NAA25: variants seen among roughly 807,000 people sequenced by gnomAD.
NAA25 encodes the protein N-terminal acetyltransferase B complex subunit NAA25.
NAA25 carries 30 observed loss-of-function variants against 132.5 expected under a neutral mutation model. The ratio of observed to expected loss-of-function variants is 0.23; its 90% CI spans 0.17 to 0.31. The LOEUF is 0.31. Ranked by LOEUF, NAA25 falls within the 10% of genes least tolerant of loss-of-function variation. NAA25 has a pLI of 1.00. For synonymous variants in NAA25, 359 were observed against 401.9 expected (o/e 0.89, Z 1.28); for missense variants, 771 against 1,150.4 (o/e 0.67, Z 4.77).
intron 23 of NAA25, among the ~76,000 whole-genome samples, chr12:112,030,210 C>CAAAAAAAAAAAAAAAAAAAAAAAAAAA (rs67757055): frequency 1.9e-5 from 1 of 53,378 alleles, no homozygotes; most frequent in African/African-American, 8.5e-5. Context: ...AAAGCTGTCT[C>CAAAAAAAAAAAAAAAAAAAAAAAAAAA]AAAAAAAAAA....
At chr12:112,042,967 G>T (rs2078323392) in intron 19 of NAA25, 121 bp downstream of exon 19, 5 of 910,100 alleles carry the variant, frequency 5.5e-6, no homozygotes, top group Non-Finnish European at 8.1e-6. Flanking sequence ...CCACACATTT[G>T]CAGAACAGCT....
intron 15 of NAA25, among the ~76,000 whole-genome samples, chr12:112,050,774 A>C (rs1445602555): frequency 6.6e-6 from 1 of 152,230 alleles, no homozygotes; most frequent in African/African-American, 2.4e-5. Flanking sequence ...TCTAGTGCTT[A>C]TTTTCATATT....
chr12:112,088,218 T>C (rs2079081708), intron 3 of NAA25, among the ~76,000 whole-genome samples: 1 of 152,120 alleles, frequency 6.6e-6, no homozygotes, highest in Admixed American at 6.6e-5. Flanking sequence ...TAAGCTGAAC[T>C]GTAAGACTTT....
chr12:112,093,172 T>A, intron 1 of NAA25, 36 bp from the exon 2 acceptor site: 1 of 1,205,162 alleles, frequency 8.3e-7, no homozygotes, highest in Non-Finnish European at 1.2e-6. Context: ...GTTATTATAT[T>A]CCTTCAATAA....
At chr12:112,090,523 C>T (rs967183629) in intron 3 of NAA25, 2 of 466,590 alleles carry the variant, frequency 4.3e-6, no homozygotes. Flanking sequence ...AATGAAGTCA[C>T]TTTAATTCTC....
At chr12:112,040,789 T>C (rs1045170082) in intron 20 of NAA25, among the ~76,000 whole-genome samples, 1 of 152,204 alleles carries the variant, frequency 6.6e-6, no homozygotes, top group Non-Finnish European at 1.5e-5. Flanking sequence ...CTTCAAAATA[T>C]AAAAGGTAGC....
chr12:112,054,307 A>G (rs1045950115), intron 14 of NAA25, 81 bp downstream of exon 14: 20 of 1,265,960 alleles, frequency 1.6e-5, no homozygotes, highest in Admixed American at 2.3e-5. Context: ...GTCACAATCA[A>G]CTTTAAAATC....
intron 7 of NAA25, among the ~76,000 whole-genome samples, chr12:112,076,161 C>G (rs976757152): frequency 2.6e-5 from 4 of 152,108 alleles, no homozygotes; most frequent in Non-Finnish European, 5.9e-5. Flanking sequence ...GGGATTACAG[C>G]TGTGAGCTAC....
intron 13 of NAA25, 30 bp downstream of exon 13, chr12:112,060,235 AAAAGT>A (rs1220772105): frequency 4.8e-6 from 7 of 1,456,014 alleles, no homozygotes; most frequent in Non-Finnish European, 6.7e-6. Flanking sequence ...AATAAAAGCA[AAAAGT>A]AAAGTTGAAC....
chr12:112,084,914 T>C (rs1418189191), intron 4 of NAA25, among the ~76,000 whole-genome samples: 1 of 150,924 alleles, frequency 6.6e-6, no homozygotes, highest in African/African-American at 2.4e-5. Context: ...CCGGCCAACA[T>C]GGTGAAACCC....
At chr12:112,073,785 T>C (rs777458195) in intron 9 of NAA25, among the ~76,000 whole-genome samples, 31 of 151,902 alleles carry the variant, frequency 2.0e-4, no homozygotes, top group Non-Finnish European at 4.4e-4. Flanking sequence ...AAATTTATTG[T>C]AGTACTGCCT....
chr12:112,056,904 A>T (rs1182416094), intron 13 of NAA25, among the ~76,000 whole-genome samples: 1 of 152,218 alleles, frequency 6.6e-6, no homozygotes, highest in Non-Finnish European at 1.5e-5. Context: ...AAAATGTTTA[A>T]ATCGGCTGGG....
intron 5 of NAA25, 100 bp downstream of exon 5, chr12:112,080,960 T>A: frequency 1.0e-6 from 1 of 983,872 alleles, no homozygotes; most frequent in Non-Finnish European, 1.6e-6. Flanking sequence ...AGCGTGACCC[T>A]GTCTCAAACA....
intron 20 of NAA25, 48 bp downstream of exon 20, chr12:112,041,990 TG>T: frequency 8.9e-7 from 1 of 1,125,760 alleles, no homozygotes; most frequent in Non-Finnish European, 1.3e-6. Context: ...TCGAAGCTAT[TG>T]CCATACAACC....
chr12:112,095,970 C>G (rs78981331), intron 1 of NAA25, among the ~76,000 whole-genome samples: 380 of 152,144 alleles, frequency 2.5e-3, no homozygotes, highest in Non-Finnish European at 3.9e-3. Flanking sequence ...AAACTATTTA[C>G]GGATTTTAAT....
chr12:112,076,753 T>C (rs546981023), intron 7 of NAA25, among the ~76,000 whole-genome samples: 1 of 151,188 alleles, frequency 6.6e-6, no homozygotes, highest in Non-Finnish European at 1.5e-5. Context: ...CCCAGCACTT[T>C]GGGAGGCTGA....
chr12:112,036,888 TGTGTGCACGCGC>T (rs2078230932), intron 22 of NAA25, among the ~76,000 whole-genome samples: 1 of 150,420 alleles, frequency 6.6e-6, no homozygotes, highest in Non-Finnish European at 1.5e-5. Flanking sequence ...TGTGTGTGTG[TGTGTGCACGCGC>T]GTGTGCATAA....
At chr12:112,068,493 C>A (rs1248344232) in intron 11 of NAA25, among the ~76,000 whole-genome samples, 1 of 152,106 alleles carries the variant, frequency 6.6e-6, no homozygotes, top group Admixed American at 6.6e-5. Flanking sequence ...ATGTCAATTT[C>A]CTAATTATAT....
chr12:112,032,543 C>T (rs935303740), intron 23 of NAA25, among the ~76,000 whole-genome samples: 6 of 152,184 alleles, frequency 3.9e-5, no homozygotes, highest in Admixed American at 3.9e-4. Context: ...GAAGCATTTT[C>T]TTAAGATCAG....
Sources: gnomAD v4.1 joint callset for allele counts (sites outside exome capture counted in the v4.1 genomes callset) on GRCh38, gnomAD v4.1.1 for gene constraint, MANE v1.5 for transcripts, NCBI Gene and HGNC (gene_info 2026-07-23, HGNC 2026-07-21) for gene names.